The following DDX19A variants were observed in gnomAD, a reference collection of about 807,000 sequenced individuals.
DDX19A encodes ATP-dependent RNA helicase DDX19A.
Under a neutral mutation model 60.6 loss-of-function variants are expected in DDX19A, and 12 were observed. That is an observed-to-expected ratio of 0.20 (90% CI 0.13 to 0.32). DDX19A has a LOEUF of 0.32. DDX19A is among the 10% of genes least tolerant of loss of function. The probability of loss-of-function intolerance (pLI) is 1.00; values close to 1 mark genes in which losing one functional copy is unlikely to be tolerated. For missense variants in DDX19A, 337 were observed against 600.6 expected (o/e 0.56, Z 4.59); for synonymous variants, 206 against 218.2 (o/e 0.94, Z 0.49).
At position 70,371,253 on chromosome 16, in the gene DDX19A, G is replaced by T. The variant is rs190192350; in HGVS notation, c.1184-119G>T. ...GTGCCCTCTCTTGTACCCAGAGTTGGCCTGTCCCAAATTCTTTCCCTCTAT... is the reference window on the plus strand; with the variant it reads ...GTGCCCTCTCTTGTACCCAGAGTTGTCCTGTCCCAAATTCTTTCCCTCTAT... On this transcript the variant is annotated intron_variant, in intron 10 of 11. Coordinates refer to ENST00000302243, the MANE Select transcript of DDX19A (RefSeq NM_018332.5). 1.3e-4 allele frequency: 203 copies of T among 1,576,596 alleles called. No homozygotes were observed. In the African/African-American group the frequency reaches 2.3e-3, roughly 18 times the overall value.
intron 4 of DDX19A, 80 bp downstream of exon 4, chr16:70,356,327 A>G: frequency 6.4e-7 from 1 of 1,556,540 alleles, no homozygotes; most frequent in Non-Finnish European, 8.7e-7. Flanking sequence ...GATTCTTGTG[A>G]GAATTTTACT....
At chr16:70,364,118 C>T (rs529034189) in intron 5 of DDX19A, 2 of 156,414 alleles carry the variant, frequency 1.3e-5, no homozygotes, top group Middle Eastern at 3.1e-3. Context: ...AAAACATCCA[C>T]CTGACTTAGC....
chr16:70,351,562 C>T (rs1486849983), intron 2 of DDX19A, among the ~76,000 whole-genome samples: 1 of 151,616 alleles, frequency 6.6e-6, no homozygotes, highest in African/African-American at 2.4e-5. Flanking sequence ...TCTCACTCTG[C>T]CACGCAGGCC....
chr16:70,365,915 A>C, intron 7 of DDX19A, 170 bp from the exon 8 acceptor site: 1 of 942,698 alleles, frequency 1.1e-6, no homozygotes, highest in Non-Finnish European at 1.6e-6. Flanking sequence ...GATAGGTGTC[A>C]TTCTGCCCAC....
intron 11 of DDX19A, 148 bp downstream of exon 11, chr16:70,371,711 A>T (rs1351733962): frequency 3.3e-5 from 40 of 1,199,464 alleles, no homozygotes; most frequent in Non-Finnish European, 2.5e-5. Flanking sequence ...CTCAGGGAGC[A>T]CACCTGGAGA....
In DDX19A at chr16:70,346,985, C is replaced by T. The variant is rs1409177676; in HGVS notation, c.-7C>T. 2 of 1,611,722 alleles carry T rather than the reference C, an allele frequency of 1.2e-6. No individual in the cohort carries two copies. Among genetic ancestry groups the T allele is most frequent in the Non-Finnish European group, 1.7e-6 (2 of 1,179,442 alleles). ...TTTTCACAAGTGGGTCTCCCTTGTC[C>T]GGGACTATGGCCACCGACTCGTGGG... On this transcript the variant is annotated 5_prime_UTR_variant, in exon 1 of 12. Transcript: ENST00000302243.
At chr16:70,347,980 G>T (rs989824703) in intron 1 of DDX19A, 1 of 450,232 alleles carries the variant, frequency 2.2e-6, no homozygotes, top group Non-Finnish European at 4.5e-6. Flanking sequence ...GTGAGTCACC[G>T]CGCCCAGCCG....
rs1225443337 is a variant in DDX19A, at chr16:70,364,811, A to G, written c.489+166A>G. 4.5e-6 allele frequency: 3 copies of G among 673,014 alleles called. No homozygotes were observed. The African/African-American group carries it at 5.4e-5, about 12-fold the overall frequency. 41.7% of individuals were successfully genotyped at this position (673,014 alleles called of 1,614,324 possible). A position where few individuals can be genotyped will look rare whatever the true frequency, so the allele number is the denominator to read the frequency against. On this transcript the variant is annotated intron_variant, in intron 6 of 11. Coordinates refer to ENST00000302243, the MANE Select transcript of DDX19A (RefSeq NM_018332.5). Reference sequence around the variant, plus strand: ...GACCTGGGAGAATGTGCTTGAAAGCAGCAGCCTTAGACCATGGCTTGCAAA... The same window carrying G: ...GACCTGGGAGAATGTGCTTGAAAGCGGCAGCCTTAGACCATGGCTTGCAAA...
Position 70,366,254 on chromosome 16 carries a change from C to T in DDX19A, c.774C>T (p.Arg258=), listed in dbSNP as rs1244075646. 1 of 1,613,912 alleles carries T rather than the reference C, an allele frequency of 6.2e-7. No homozygotes were observed. Among genetic ancestry groups the T allele is most frequent in the Non-Finnish European group, 8.5e-7 (1 of 1,179,934 alleles). Reference sequence around the variant, plus strand: ...AGGGCCACCAAGATCAGAGCATCCGCATCCAGAGGTAGGGATCTCGAGGGT... The same window carrying T: ...AGGGCCACCAAGATCAGAGCATCCGTATCCAGAGGTAGGGATCTCGAGGGT... ...ATQGHQDQSI[R]IQRMLPRNCQ... The change falls in exon 8 of 12, where the codon CGC becomes CGT. Residue 258 remains arginine, a synonymous_variant. Transcript: ENST00000302243.
intron 4 of DDX19A, among the ~76,000 whole-genome samples, chr16:70,357,337 A>T (rs1287979219): frequency 5.8e-5 from 8 of 138,556 alleles, no homozygotes; most frequent in African/African-American, 2.2e-4. Flanking sequence ...TCTGCTTTTT[A>T]AAAAATCTGT....
At chr16:70,353,360 T>G (rs1299961651) in intron 2 of DDX19A, among the ~76,000 whole-genome samples, 1 of 151,880 alleles carries the variant, frequency 6.6e-6, no homozygotes, top group South Asian at 2.1e-4. Context: ...GGCAATCCGC[T>G]CGCTTGGCCT....
rs11294947 is a variant in DDX19A, at chr16:70,352,634, ATT to A, written c.106+2049_106+2050del. On this transcript the variant is annotated intron_variant, in intron 2 of 11. Transcript: ENST00000302243. The stretch of plus-strand genomic sequence containing the variant: ...TACTGCATTGTGTCGATCTACCACG[ATT>A]TTTTTTTTTTTTTTTTTTTGAGATG... Among the ~76,000 whole-genome samples the A allele has an allele frequency of 5.4e-3, 469 of 86,140 alleles. 2 individuals are homozygous for A. The highest frequency in any genetic ancestry group is 0.02 in the African/African-American group (381 of 19,120). The allele number at this position is 86,140 out of a possible 152,430, so 56.5% of individuals were successfully genotyped here. A position where few individuals can be genotyped will look rare whatever the true frequency, so the allele number is the denominator to read the frequency against.
At position 70,357,366 on chromosome 16, in the gene DDX19A, G is replaced by GTTTTTTTTTTTTTT. The variant is rs71151183; in HGVS notation, c.293+1142_293+1155dup. ...AATCTGTCAAATCTGTTTTTGGTTTGTTTTTTTTTTTTTTTTTTTTTTTTT... is the reference window on the plus strand; with the variant it reads ...AATCTGTCAAATCTGTTTTTGGTTTGTTTTTTTTTTTTTTTTTTTTTTTTTTTTTTTTTTTTTTT... On this transcript the variant is annotated intron_variant, in intron 4 of 11. Coordinates refer to ENST00000302243, the MANE Select transcript of DDX19A (RefSeq NM_018332.5). Among the ~76,000 whole-genome samples the GTTTTTTTTTTTTTT allele has an allele frequency of 1.8e-3, 79 of 44,580 alleles. 35 individuals carry two copies. The highest frequency in any genetic ancestry group is 4.4e-3 in the East Asian group (6 of 1,370). The allele number at this position is 44,580 out of a possible 152,430, so 29.2% of individuals were successfully genotyped here. A position where few individuals can be genotyped will look rare whatever the true frequency, so the allele number is the denominator to read the frequency against.
At chr16:70,347,991 G>T (rs967039800) in intron 1 of DDX19A, 1 of 450,612 alleles carries the variant, frequency 2.2e-6, no homozygotes, top group Admixed American at 2.4e-5. Flanking sequence ...CGCCCAGCCG[G>T]TATGGGGATT....
At position 70,346,917 on chromosome 16, in the gene DDX19A, G is replaced by T; in HGVS notation, c.-75G>T. On this transcript the variant is annotated 5_prime_UTR_variant, in exon 1 of 12. Transcript: ENST00000302243. ...CCGCGTGAGGTGCATTCTCGCGCCG[G>T]TGGCGAGGTTAGGGCCCGCGTTGCG... 6.8e-7 allele frequency: 1 copy of T among 1,472,080 alleles called. No individual in the cohort carries two copies. Among genetic ancestry groups the T allele is most frequent in the Non-Finnish European group, 9.3e-7 (1 of 1,075,550 alleles). 91.2% of individuals were successfully genotyped at this position (1,472,080 alleles called of 1,614,324 possible). A position where few individuals can be genotyped will look rare whatever the true frequency, so the allele number is the denominator to read the frequency against.
chr16:70,355,042 TA>T (rs1964139102), intron 2 of DDX19A, among the ~76,000 whole-genome samples: 1 of 151,950 alleles, frequency 6.6e-6, no homozygotes, highest in Non-Finnish European at 1.5e-5. Flanking sequence ...TCACTAAACA[TA>T]AAGAAATGCC....
At chr16:70,371,775 G>A in intron 11 of DDX19A, 150 bp from the exon 12 acceptor site, 5 of 1,327,226 alleles carry the variant, frequency 3.8e-6, no homozygotes, top group East Asian at 2.3e-5. Context: ...GCTTCGGGGC[G>A]TGGGGCTCTG....
Position 70,346,947 on chromosome 16 carries a change from G to T in DDX19A, c.-45G>T, listed in dbSNP as rs755393414. On this transcript the variant is annotated 5_prime_UTR_variant, in exon 1 of 12. Coordinates refer to ENST00000302243, the MANE Select transcript of DDX19A (RefSeq NM_018332.5). Reference sequence around the variant, plus strand: ...GAGGTTAGGGCCCGCGTTGCGACGTGGTGCAGCGCATATTTTCACAAGTGG... The same window carrying T: ...GAGGTTAGGGCCCGCGTTGCGACGTTGTGCAGCGCATATTTTCACAAGTGG... 1.3e-6 allele frequency: 2 copies of T among 1,587,206 alleles called. No individual in the cohort carries two copies. The highest frequency in any genetic ancestry group is 8.6e-7 in the Non-Finnish European group (1 of 1,164,856).
chr16:70,367,300 C>T (rs765339891), intron 9 of DDX19A, among the ~76,000 whole-genome samples: 3 of 151,750 alleles, frequency 2.0e-5, no homozygotes, highest in Admixed American at 6.6e-5. Context: ...TGGTGGCGGG[C>T]GCTTGTAATC....
Sources: gnomAD v4.1 joint callset for allele counts (sites outside exome capture counted in the v4.1 genomes callset) on GRCh38, gnomAD v4.1.1 for gene constraint, MANE v1.5 for transcripts, NCBI Gene and HGNC (gene_info 2026-07-23, HGNC 2026-07-21) for gene names.